FBXL17: variants seen among roughly 807,000 people sequenced by gnomAD.
The protein encoded by FBXL17 is F-box and leucine rich repeat protein 17, also known as F-box/LRR-repeat protein 17.
Under a neutral mutation model 66.2 loss-of-function variants are expected in FBXL17, and 22 were observed. The observed-to-expected ratio is 0.33, with a 90% CI of 0.24 to 0.47. The LOEUF is 0.47. Among genes scored for constraint, FBXL17 ranks in the 20% least tolerant of loss-of-function variants. The pLI is 1.00. For synonymous variants in FBXL17, 474 were observed against 400.5 expected (o/e 1.18, Z -2.19); for missense variants, 878 against 948.2 (o/e 0.93, Z 0.97).
intron 6 of FBXL17, among the ~76,000 whole-genome samples, chr5:108,027,327 G>A (rs1263632296): frequency 6.6e-6 from 1 of 152,080 alleles, no homozygotes; most frequent in Non-Finnish European, 1.5e-5. Flanking sequence ...TAACAAACTT[G>A]CAATAAACTT....
At chr5:108,366,752 C>A (rs1413582373) in intron 2 of FBXL17, among the ~76,000 whole-genome samples, 1 of 151,978 alleles carries the variant, frequency 6.6e-6, no homozygotes, top group African/African-American at 2.4e-5. Context: ...TGAACCCAAG[C>A]AAGTAAATAA....
chr5:108,000,257 C>T (rs536198974), intron 7 of FBXL17, among the ~76,000 whole-genome samples: 10 of 152,174 alleles, frequency 6.6e-5, no homozygotes, highest in Admixed American at 1.3e-4. Context: ...AGCTGACTTC[C>T]GGTCTAACCA....
At chr5:107,974,916 C>T (rs1015501386) in intron 7 of FBXL17, among the ~76,000 whole-genome samples, 1 of 152,034 alleles carries the variant, frequency 6.6e-6, no homozygotes, top group African/African-American at 2.4e-5. Flanking sequence ...AGTGAACTGA[C>T]CTTGGAGTTG....
chr5:108,070,396 CAA>C (rs1748282414), intron 6 of FBXL17, among the ~76,000 whole-genome samples: 1 of 152,132 alleles, frequency 6.6e-6, no homozygotes, highest in Non-Finnish European at 1.5e-5. Context: ...CTGGCAAATG[CAA>C]AGACCTTTTG....
chr5:108,080,994 C>T (rs1159911532), intron 6 of FBXL17, among the ~76,000 whole-genome samples: 2 of 152,114 alleles, frequency 1.3e-5, no homozygotes, highest in African/African-American at 4.8e-5. Context: ...TGCAGATTTT[C>T]TTCATAAAAG....
chr5:108,302,115 C>G, intron 4 of FBXL17: 1 of 700,066 alleles, frequency 1.4e-6, no homozygotes. Context: ...GTCAAGGCTA[C>G]TTTTTCTGAA....
At chr5:108,219,127 T>G (rs1442202074) in intron 5 of FBXL17, among the ~76,000 whole-genome samples, 1 of 152,240 alleles carries the variant, frequency 6.6e-6, no homozygotes, top group Admixed American at 6.5e-5. Context: ...AGTGTCTTTA[T>G]CAAGTTTTTA....
intron 7 of FBXL17, among the ~76,000 whole-genome samples, chr5:107,896,777 C>T (rs563223290): frequency 1.8e-4 from 28 of 152,144 alleles, no homozygotes; most frequent in East Asian, 7.7e-4. Context: ...ATGAATCCAA[C>T]GTAAAGACCA....
intron 5 of FBXL17, among the ~76,000 whole-genome samples, chr5:108,220,296 T>C (rs550889209): frequency 6.6e-6 from 1 of 152,250 alleles, no homozygotes; most frequent in East Asian, 1.9e-4. Context: ...CTGGCCTTTC[T>C]GTTCTGTTTT....
intron 8 of FBXL17, among the ~76,000 whole-genome samples, chr5:107,870,230 A>T (rs1388831354): frequency 6.6e-6 from 1 of 152,230 alleles, no homozygotes; most frequent in Non-Finnish European, 1.5e-5. Flanking sequence ...TCTGAAGGCA[A>T]GGTCTGAACT....
At chr5:107,900,344 C>T (rs1249230388) in intron 7 of FBXL17, among the ~76,000 whole-genome samples, 1 of 152,048 alleles carries the variant, frequency 6.6e-6, no homozygotes, top group East Asian at 1.9e-4. Flanking sequence ...TTTTTCAGGT[C>T]AAGAGAGATG....
chr5:107,962,960 T>C (rs1751976590), intron 7 of FBXL17, among the ~76,000 whole-genome samples: 1 of 152,142 alleles, frequency 6.6e-6, no homozygotes, highest in African/African-American at 2.4e-5. Context: ...AGTAATTTCA[T>C]GGTACAAAAC....
intron 6 of FBXL17, among the ~76,000 whole-genome samples, chr5:108,130,733 T>C (rs867688479): frequency 6.6e-6 from 1 of 152,052 alleles, no homozygotes; most frequent in Non-Finnish European, 1.5e-5. Context: ...GTCAATTGTG[T>C]TCTAACTGCA....
At chr5:108,001,657 C>T (rs1580311181) in intron 7 of FBXL17, among the ~76,000 whole-genome samples, 1 of 152,122 alleles carries the variant, frequency 6.6e-6, no homozygotes, top group Non-Finnish European at 1.5e-5. Flanking sequence ...CCTGCCAGCA[C>T]ACCCAGCTAA....
At chr5:107,880,201 G>A (rs112472985) in intron 8 of FBXL17, 7 of 233,972 alleles carry the variant, frequency 3.0e-5, no homozygotes, top group South Asian at 1.6e-4. Context: ...CCGAGTAGCT[G>A]GGACTACAGG....
intron 7 of FBXL17, among the ~76,000 whole-genome samples, chr5:107,969,237 T>C (rs1417906678): frequency 2.6e-5 from 4 of 152,116 alleles, no homozygotes; most frequent in Non-Finnish European, 1.5e-5. Flanking sequence ...CATGGATAAA[T>C]AGCTTTCCAT....
chr5:108,085,581 T>A (rs1748936893), intron 6 of FBXL17, among the ~76,000 whole-genome samples: 1 of 152,166 alleles, frequency 6.6e-6, no homozygotes, highest in African/African-American at 2.4e-5. Context: ...TGTGTGCCGT[T>A]GGGGCTCAGA....
At chr5:108,301,762 T>A (rs887984870) in intron 4 of FBXL17, among the ~76,000 whole-genome samples, 8 of 151,878 alleles carry the variant, frequency 5.3e-5, no homozygotes, top group African/African-American at 1.9e-4. Flanking sequence ...GATTTTTCCA[T>A]TTAGGACAAC....
chr5:108,261,776 A>C (rs1415289324), intron 4 of FBXL17, among the ~76,000 whole-genome samples: 2 of 150,298 alleles, frequency 1.3e-5, no homozygotes, highest in Non-Finnish European at 2.9e-5. Flanking sequence ...AAAAGAAAAA[A>C]ACAAAGAGCA....
Sources: allele counts gnomAD v4.1 joint callset (sites outside exome capture counted in the v4.1 genomes callset), GRCh38; gene constraint gnomAD v4.1.1; transcripts MANE v1.5; gene names NCBI Gene and HGNC (gene_info 2026-07-23, HGNC 2026-07-21).